CYLD: variants seen among roughly 807,000 people sequenced by gnomAD.
CYLD encodes the protein ubiquitin carboxyl-terminal hydrolase CYLD.
In CYLD, 26 loss-of-function variants were observed where a neutral mutation model predicts 104.5. That is an observed-to-expected ratio of 0.25 (90% CI 0.18 to 0.35). CYLD has a LOEUF of 0.35. Among genes scored for constraint, CYLD ranks in the 10% least tolerant of loss-of-function variants. The probability of loss-of-function intolerance (pLI) is 1.00; values close to 1 mark genes in which losing one functional copy is unlikely to be tolerated. For synonymous variants in CYLD, 385 were observed against 399.9 expected (o/e 0.96, Z 0.45); for missense variants, 703 against 1,136.1 (o/e 0.62, Z 5.48).
intron 5 of CYLD, among the ~76,000 whole-genome samples, chr16:50,773,055 A>C (rs1267660659): frequency 2.0e-5 from 3 of 152,238 alleles, no homozygotes; most frequent in Admixed American, 6.5e-5. Context: ...ATAATACCTC[A>C]TTCTACTCAA....
At chr16:50,777,688 AC>A in intron 7 of CYLD, 136 bp from the exon 8 acceptor site, 1 of 574,390 alleles carries the variant, frequency 1.7e-6, no homozygotes, top group Non-Finnish European at 3.1e-6. Flanking sequence ...CAGTTAAAAA[AC>A]ATATTGTGTT....
chr16:50,787,105 T>G lies in CYLD; in HGVS notation c.2041+159T>G, dbSNP rs1010584020. ...GGTTAGCTCCTCTTTTTGTAAATTC[T>G]TCCTCTCTTCTAAAAGTGATTGATG... On this transcript the variant is annotated intron_variant, in intron 13 of 18. Transcript: ENST00000427738. The G allele has an allele frequency of 5.7e-5, 38 of 663,822 alleles. No individual in the cohort carries two copies. In the East Asian group the frequency reaches 9.2e-4, roughly 16 times the overall value. The allele number at this position is 663,822 out of a possible 1,614,324, so 41.1% of individuals were successfully genotyped here.
At chr16:50,767,924 A>G (rs1968698587) in intron 5 of CYLD, among the ~76,000 whole-genome samples, 1 of 152,200 alleles carries the variant, frequency 6.6e-6, no homozygotes, top group African/African-American at 2.4e-5. Flanking sequence ...CTGACAAGGA[A>G]TTCTTCATTA....
At chr16:50,761,945 G>A (rs890904083) in intron 5 of CYLD, among the ~76,000 whole-genome samples, 1 of 152,120 alleles carries the variant, frequency 6.6e-6, no homozygotes, top group Non-Finnish European at 1.5e-5. Flanking sequence ...AAATTTCCAC[G>A]TGTAGCGTGG....
chr16:50,769,658 C>T (rs534348954), intron 5 of CYLD, among the ~76,000 whole-genome samples: 1 of 152,290 alleles, frequency 6.6e-6, no homozygotes, highest in Non-Finnish European at 1.5e-5. Context: ...CAATTTTTCC[C>T]AGCGGTAACA....
At position 50,779,827 on chromosome 16, in the gene CYLD, G is replaced by A; in HGVS notation, c.1301G>A (p.Gly434Asp). ...ATGCCCAATACCAATGGAAGTATTG[G>A]CCACAGTCCACTTTCTCTGTCAGCC... ...TKMPNTNGSI[G>D]HSPLSLSAQS... The change falls in exon 9 of 19, where the codon GGC becomes GAC. Residue 434 changes from glycine (G) to aspartate (D), a missense_variant. Around this residue, in one of 5 missense-constraint regions of CYLD, gnomAD observed 183 missense variants for 212.1 expected, o/e 0.86. Transcript: ENST00000427738. The A allele has an allele frequency of 1.9e-6, 3 of 1,613,318 alleles. No individual in the cohort carries two copies. The highest frequency in any genetic ancestry group is 2.5e-6 in the Non-Finnish European group (3 of 1,179,928).
intron 5 of CYLD, among the ~76,000 whole-genome samples, chr16:50,761,002 T>C (rs183719389): frequency 5.8e-4 from 88 of 152,352 alleles, no homozygotes; most frequent in African/African-American, 2.0e-3. Flanking sequence ...TTTCAGTGTA[T>C]ATAATACATT....
Position 50,754,419 on chromosome 16 carries a change from T to C in CYLD, c.908T>C (p.Ile303Thr), listed in dbSNP as rs1317037135. Reference protein sequence around the residue: ...STILLHINDIIPALSESVTQE... With the variant: ...STILLHINDITPALSESVTQE... ...ATTCTATTGCACATCAATGATATCA[T>C]CCCAGGTATGTTTTCTTTGTTTTAT... The change falls in exon 5 of 19, where the codon ATC (isoleucine) becomes ACC (threonine). Residue 303 changes from isoleucine (I) to threonine (T), a missense_variant. By Grantham distance (89) the Ile-to-Thr change is moderately conservative. Around this residue, in one of 5 missense-constraint regions of CYLD, gnomAD observed 123 missense variants for 213.3 expected, o/e 0.58. Transcript: ENST00000427738. The C allele has an allele frequency of 6.3e-7, 1 of 1,599,088 alleles. No individual in the cohort carries two copies. Among genetic ancestry groups the C allele is most frequent in the East Asian group, 2.2e-5 (1 of 44,690 alleles).
Position 50,800,501 on chromosome 16 carries a change from A to G in CYLD, c.*3993A>G, listed in dbSNP as rs1972382833. 8.6e-6 allele frequency: 2 copies of G among 233,066 alleles called. No homozygotes were observed. Among genetic ancestry groups the G allele is most frequent in the Admixed American group, 1.1e-4 (2 of 17,778 alleles). 14.4% of individuals were successfully genotyped at this position (233,066 alleles called of 1,614,324 possible). ...TACCTCAACCTGCTGTTTGTTTCCTAGAGGTGTTAGTAGTCTTTAAATACA... is the reference window on the plus strand; with the variant it reads ...TACCTCAACCTGCTGTTTGTTTCCTGGAGGTGTTAGTAGTCTTTAAATACA... On this transcript the variant is annotated 3_prime_UTR_variant, in exon 19 of 19. Coordinates refer to ENST00000427738, the MANE Select transcript of CYLD (RefSeq NM_001378743.1).
At chr16:50,756,249 C>A (rs1967224949) in intron 5 of CYLD, among the ~76,000 whole-genome samples, 1 of 152,082 alleles carries the variant, frequency 6.6e-6, no homozygotes, top group African/African-American at 2.4e-5. Flanking sequence ...GGGGAAAAAC[C>A]CTTCCTGTTA....
chr16:50,795,753 G>A (rs775279455), intron 18 of CYLD: 33 of 592,750 alleles, frequency 5.6e-5, no homozygotes, highest in Non-Finnish European at 9.0e-5. Flanking sequence ...ACTAAACAGC[G>A]TAACACAACA....
chr16:50,787,972 T>A, intron 14 of CYLD, 120 bp downstream of exon 14: 1 of 641,676 alleles, frequency 1.6e-6, no homozygotes, highest in Non-Finnish European at 2.8e-6. Flanking sequence ...TTAGGGCTCT[T>A]AATAGGCTAG....
In CYLD at chr16:50,791,654, A is replaced by G; in HGVS notation, c.2205A>G (p.Glu735=). 1 of 1,613,912 alleles carries G rather than the reference A, an allele frequency of 6.2e-7. No homozygotes were observed. Among genetic ancestry groups the G allele is most frequent in the Non-Finnish European group, 8.5e-7 (1 of 1,179,864 alleles). ...VGVPTIQQLL[E]WSFINSNLKF... is the part of the protein sequence containing the mutation. ...TTCCCACAATTCAGCAGTTGTTAGA[A>G]TGGTCTTTTATCAACAGTAACCTGA... Residue 735 remains glutamate (E), a synonymous_variant, in exon 15 of 19, where the codon GAA becomes GAG. Coordinates refer to ENST00000427738, the MANE Select transcript of CYLD (RefSeq NM_001378743.1).
At chr16:50,784,189 C>G in intron 11 of CYLD, 140 bp from the exon 12 acceptor site, 1 of 841,492 alleles carries the variant, frequency 1.2e-6, no homozygotes, top group Non-Finnish European at 1.9e-6. Flanking sequence ...GGTCCTGGTA[C>G]CTGTGTTAAT....
intron 14 of CYLD, among the ~76,000 whole-genome samples, chr16:50,788,254 CT>C (rs1971047930): frequency 6.6e-6 from 1 of 152,232 alleles, no homozygotes; most frequent in South Asian, 2.1e-4. Flanking sequence ...CTTAAATTAG[CT>C]TTCCTGTTTT....
In CYLD at chr16:50,779,886, G is replaced by A. The variant is rs200451975; in HGVS notation, c.1360G>A (p.Val454Ile). 44 of 1,614,020 alleles carry A rather than the reference G, an allele frequency of 2.7e-5. No homozygotes were observed. Among genetic ancestry groups the A allele is most frequent in the Admixed American group, 1.7e-4 (10 of 60,010 alleles). Residue 454 changes from valine to isoleucine, a missense_variant, in exon 9 of 19, where the codon GTC becomes ATC. Transcript: ENST00000427738. ...SVMEELNTAP[V>I]QESPPLAMPP... ...AATGGAAGAGCTAAACACTGCACCC[G>A]TCCAAGAGAGTCCACCCTTGGCCAT...
chr16:50,751,524 C>A, intron 3 of CYLD, 80 bp from the exon 4 acceptor site: 1 of 1,236,630 alleles, frequency 8.1e-7, no homozygotes, highest in East Asian at 2.4e-5. Flanking sequence ...AGTGATTTTC[C>A]TGAAATCCCT....
At chr16:50,744,482 A>G (rs758248717) in intron 2 of CYLD, among the ~76,000 whole-genome samples, 20 of 152,156 alleles carry the variant, frequency 1.3e-4, no homozygotes, top group Non-Finnish European at 2.2e-4. Context: ...GCCATTTATA[A>G]TTAGGGGCAG....
chr16:50,794,253 A>G lies in CYLD; in HGVS notation c.2511A>G (p.Pro837=), dbSNP rs1424024584. 4 of 1,614,182 alleles carry G rather than the reference A, an allele frequency of 2.5e-6. No individual in the cohort carries two copies. The highest frequency in any genetic ancestry group is 1.7e-5 in the Admixed American group (1 of 60,022). The change falls in exon 18 of 19, where the codon CCA becomes CCG. Residue 837 remains proline (P), a synonymous_variant. Coordinates refer to ENST00000427738, the MANE Select transcript of CYLD (RefSeq NM_001378743.1). This position sits in a 1 kb window ranked among gnomAD's most constrained non-coding sequence, Gnocchi z 4.1. ...HPKRLNHKYN[P]VSLPKDLPDW... is the part of the protein sequence containing the mutation. ...AGAGGCTGAATCATAAATATAACCC[A>G]GTGTCACTTCCCAAAGACTTACCCG...
Sources: gnomAD v4.1 joint callset for allele counts (sites outside exome capture counted in the v4.1 genomes callset) on GRCh38, gnomAD v4.1.1 for gene constraint, gnomAD v4.1.1 regional missense constraint, Gnocchi (gnomAD v3.1) non-coding constraint, MANE v1.5 for transcripts, NCBI Gene and HGNC (gene_info 2026-07-23, HGNC 2026-07-21) for gene names.